Variants in CSMD1 observed in about 807,000 individuals in gnomAD.
The protein encoded by CSMD1 is CUB and sushi domain-containing protein 1.
In CSMD1, 213 loss-of-function variants were observed where a neutral mutation model predicts 417.5. That is an observed-to-expected ratio of 0.51 (90% confidence interval 0.46 to 0.57). The LOEUF is 0.57. Among genes scored for constraint, CSMD1 ranks in the 20% least tolerant of loss-of-function variants. The pLI is 0.00. For missense variants in CSMD1, 6,923 were observed against 4,529.7 expected (o/e 1.53, Z -15.17); for synonymous variants, 2,862 against 1,736.8 (o/e 1.65, Z -16.11).
At chr8:4,757,727 G>A (rs1053558903) in intron 1 of CSMD1, among the ~76,000 whole-genome samples, 4 of 152,030 alleles carry the variant, frequency 2.6e-5, no homozygotes, top group Non-Finnish European at 5.9e-5. Flanking sequence ...GGGAGGGTGA[G>A]GCAAGCAGAT....
intron 3 of CSMD1, among the ~76,000 whole-genome samples, chr8:4,356,368 G>A (rs1801433130): frequency 6.6e-6 from 1 of 151,202 alleles, no homozygotes; most frequent in Non-Finnish European, 1.5e-5. Context: ...TTATCCACTT[G>A]TTGATTTATG....
At chr8:4,809,730 A>T (rs1323944133) in intron 1 of CSMD1, among the ~76,000 whole-genome samples, 1 of 152,260 alleles carries the variant, frequency 6.6e-6, no homozygotes, top group East Asian at 1.9e-4. Context: ...TGTCATTTCA[A>T]CATGTAATAA....
intron 5 of CSMD1, among the ~76,000 whole-genome samples, chr8:3,863,768 T>G (rs1442586080): frequency 1.3e-5 from 2 of 152,320 alleles, no homozygotes; most frequent in East Asian, 3.9e-4. Context: ...AGAAGAGAAT[T>G]TTCTACTAGT....
intron 11 of CSMD1, among the ~76,000 whole-genome samples, chr8:3,481,632 T>C (rs375930062): frequency 2.0e-5 from 3 of 152,180 alleles, no homozygotes; most frequent in African/African-American, 7.2e-5. Context: ...CTGAATGATG[T>C]AGGTGGGCCC....
chr8:4,396,227 C>A (rs577264218), intron 3 of CSMD1, among the ~76,000 whole-genome samples: 6 of 151,696 alleles, frequency 4.0e-5, no homozygotes, highest in Non-Finnish European at 8.8e-5. Context: ...TTTGGGAGAC[C>A]AAGGTAGGCA....
intron 2 of CSMD1, among the ~76,000 whole-genome samples, chr8:4,459,040 A>G (rs1799653076): frequency 6.6e-6 from 1 of 152,152 alleles, no homozygotes; most frequent in African/African-American, 2.4e-5. Flanking sequence ...CTTATCTCCA[A>G]TCTAGGTGAG....
At chr8:4,836,914 T>C (rs1320229266) in intron 1 of CSMD1, among the ~76,000 whole-genome samples, 2 of 152,142 alleles carry the variant, frequency 1.3e-5, no homozygotes, top group African/African-American at 2.4e-5. Context: ...GTTGCTGCTG[T>C]GTAGAGTTCT....
chr8:4,388,849 C>T (rs779284647), intron 3 of CSMD1, among the ~76,000 whole-genome samples: 4 of 152,212 alleles, frequency 2.6e-5, no homozygotes, highest in Non-Finnish European at 4.4e-5. Context: ...GATTTAAAAA[C>T]CATTTAAAAC....
At chr8:4,188,607 G>C (rs940276104) in intron 3 of CSMD1, among the ~76,000 whole-genome samples, 1 of 152,238 alleles carries the variant, frequency 6.6e-6, no homozygotes, top group Non-Finnish European at 1.5e-5. Context: ...GCAAGCTTAA[G>C]ATTCTGTGAG....
chr8:3,999,477 C>A (rs751297167), intron 4 of CSMD1, among the ~76,000 whole-genome samples: 13 of 152,146 alleles, frequency 8.5e-5, no homozygotes, highest in Non-Finnish European at 1.6e-4. Flanking sequence ...AGGATCTAAG[C>A]CTCACAAAAA....
At chr8:3,300,705 C>A (rs936243961) in intron 25 of CSMD1, among the ~76,000 whole-genome samples, 45 of 151,744 alleles carry the variant, frequency 3.0e-4, no homozygotes, top group Non-Finnish European at 6.0e-4. Flanking sequence ...GCTTCTAATC[C>A]CAGTGCTTTG....
At chr8:3,963,860 A>G (rs760188746) in intron 5 of CSMD1, among the ~76,000 whole-genome samples, 1 of 152,216 alleles carries the variant, frequency 6.6e-6, no homozygotes. Context: ...CAGTTTAAGA[A>G]ATGAAGGTAT....
chr8:3,033,631 G>C (rs555923205), intron 50 of CSMD1, among the ~76,000 whole-genome samples: 2 of 150,402 alleles, frequency 1.3e-5, no homozygotes, highest in African/African-American at 2.4e-5. Context: ...GAGAGCATTA[G>C]GACAAATACT....
At chr8:4,551,417 C>T (rs904253114) in intron 2 of CSMD1, among the ~76,000 whole-genome samples, 2 of 152,302 alleles carry the variant, frequency 1.3e-5, no homozygotes, top group South Asian at 2.1e-4. Flanking sequence ...GACTACTGTC[C>T]TTTCTTTTGT....
chr8:3,583,385 T>A (rs896196683), intron 9 of CSMD1, among the ~76,000 whole-genome samples: 2 of 151,998 alleles, frequency 1.3e-5, no homozygotes, highest in Non-Finnish European at 2.9e-5. Flanking sequence ...TCGAATAGAC[T>A]GCTAGTAGAA....
At chr8:3,694,923 C>T (rs1563281139) in intron 7 of CSMD1, among the ~76,000 whole-genome samples, 1 of 151,920 alleles carries the variant, frequency 6.6e-6, no homozygotes, top group Admixed American at 6.6e-5. Context: ...ATCATTAGCA[C>T]CACGTGTAGC....
At chr8:4,024,125 T>C (rs913954611) in intron 4 of CSMD1, among the ~76,000 whole-genome samples, 1 of 152,014 alleles carries the variant, frequency 6.6e-6, no homozygotes, top group African/African-American at 2.4e-5. Context: ...AGACAAGAGA[T>C]GTTACCAAAA....
intron 23 of CSMD1, among the ~76,000 whole-genome samples, chr8:3,309,678 C>T (rs557089323): frequency 6.6e-6 from 1 of 152,150 alleles, no homozygotes; most frequent in Non-Finnish European, 1.5e-5. Context: ...TCTATTTCCA[C>T]CAAACTTTGA....
chr8:3,683,406 T>C (rs1299670025), intron 7 of CSMD1, among the ~76,000 whole-genome samples: 1 of 151,938 alleles, frequency 6.6e-6, no homozygotes, highest in East Asian at 1.9e-4. Flanking sequence ...ACTAAAGTAA[T>C]TACAGGCAAT....
Sources: gnomAD v4.1 joint callset for allele counts (sites outside exome capture counted in the v4.1 genomes callset) on GRCh38, gnomAD v4.1.1 for gene constraint, MANE v1.5 for transcripts, NCBI Gene and HGNC (gene_info 2026-07-23, HGNC 2026-07-21) for gene names.